HHLA2: variants seen among roughly 807,000 people sequenced by gnomAD.
HHLA2 encodes the protein HHLA2 member of B7 family.
In HHLA2, 48 loss-of-function variants were observed where a neutral mutation model predicts 45.9. The observed-to-expected ratio is 1.05, with a 90% CI of 0.83 to 1.33. The LOEUF (loss-of-function observed/expected upper bound fraction) is 1.33. HHLA2 is among the 40% of genes most tolerant of loss of function. The pLI, the probability that HHLA2 is intolerant of heterozygous loss-of-function variation, is 0.00. For synonymous variants in HHLA2, 161 were observed against 173.9 expected, an observed-to-expected ratio of 0.93 and a Z score of 0.59; for missense variants, 462 against 494.3, an observed-to-expected ratio of 0.93 and a Z score of 0.62.
intron 8 of HHLA2, among the ~76,000 whole-genome samples, chr3:108,371,601 C>T (rs982106636): frequency 6.6e-6 from 1 of 152,124 alleles, no homozygotes; most frequent in African/African-American, 2.4e-5. Context: ...CAGAGACACA[C>T]ATAGGCTCAA....
chr3:108,297,064 C>G (rs9829105), intron 1 of HHLA2, among the ~76,000 whole-genome samples: 79,536 of 152,004 alleles, frequency 0.52, 21,603 homozygotes, highest in Middle Eastern at 0.65. Context: ...GCAGAAGAAT[C>G]GTGATCTTTG....
chr3:108,329,698 C>T (rs1293112651), intron 3 of HHLA2, among the ~76,000 whole-genome samples: 1 of 152,154 alleles, frequency 6.6e-6, no homozygotes, highest in Non-Finnish European at 1.5e-5. Flanking sequence ...CTCTCGATGT[C>T]TGCCCCTCTC....
intron 1 of HHLA2, among the ~76,000 whole-genome samples, chr3:108,297,474 G>T (rs948693109): frequency 6.6e-6 from 1 of 152,182 alleles, no homozygotes; most frequent in Non-Finnish European, 1.5e-5. Flanking sequence ...TTAACCAGTT[G>T]TATATTTTTC....
intron 3 of HHLA2, among the ~76,000 whole-genome samples, chr3:108,347,278 A>G (rs1576150847): frequency 6.6e-6 from 1 of 151,394 alleles, no homozygotes; most frequent in Non-Finnish European, 1.5e-5. Context: ...TTTTTTATTC[A>G]TAATACTTTA....
intron 8 of HHLA2, among the ~76,000 whole-genome samples, chr3:108,368,264 A>G (rs114046672): frequency 5.7e-4 from 87 of 152,142 alleles, no homozygotes; most frequent in Non-Finnish European, 1.1e-3. Context: ...ACACCATAAT[A>G]TAAAGACCAA....
At chr3:108,314,128 T>C (rs1259323621) in intron 2 of HHLA2, among the ~76,000 whole-genome samples, 3 of 151,616 alleles carry the variant, frequency 2.0e-5, no homozygotes, top group Non-Finnish European at 4.4e-5. Flanking sequence ...TTCAGATTGA[T>C]TTTTTTTTAT....
chr3:108,318,584 C>T (rs1467167539), intron 2 of HHLA2, among the ~76,000 whole-genome samples: 1 of 152,138 alleles, frequency 6.6e-6, no homozygotes, highest in Non-Finnish European at 1.5e-5. Context: ...TTTTCCTTTT[C>T]CCCCAACATC....
intron 3 of HHLA2, among the ~76,000 whole-genome samples, chr3:108,333,501 T>C (rs1448586501): frequency 6.6e-6 from 1 of 151,762 alleles, no homozygotes; most frequent in Admixed American, 6.6e-5. Context: ...ATTATTAGTT[T>C]ATCTGAATTC....
exon 7 of HHLA2, chr3:108,358,068 T>C (rs1329166606): frequency 1.2e-5 from 20 of 1,613,708 alleles, no homozygotes; most frequent in Non-Finnish European, 1.7e-5. Context: ...CTCTATGAAT[T>C]TGATGGATCT....
chr3:108,376,436 G>T, intron 9 of HHLA2, 57 bp from the exon 9 acceptor site: 1 of 1,357,160 alleles, frequency 7.4e-7, no homozygotes, highest in Non-Finnish European at 1.0e-6. Context: ...AGGACTAAGG[G>T]AGAATTTTGG....
In HHLA2 at chr3:108,362,339, T is replaced by A. The variant is rs780089686; in HGVS notation, c.1004-3T>A. ...AGACTTTGTTTCTCCTTTTTTTTTT[T>A]AGAACCGAGCCAAGAAACAGCTTCC... On this transcript the variant is annotated splice_polypyrimidine_tract_variant and splice_region_variant and intron_variant, in intron 7 of 10. Coordinates refer to ENST00000619531, the Ensembl canonical transcript of HHLA2. 1.0e-5 allele frequency: 16 copies of A among 1,599,562 alleles called. No homozygotes were observed. The Admixed American group carries it at 1.4e-4, about 14-fold the overall frequency.
chr3:108,359,056 T>G (rs1334589224), intron 7 of HHLA2, among the ~76,000 whole-genome samples: 1 of 152,134 alleles, frequency 6.6e-6, no homozygotes, highest in African/African-American at 2.4e-5. Context: ...AATGAAAAAC[T>G]GGGGCTGCAT....
At chr3:108,318,301 T>C (rs17830898) in intron 2 of HHLA2, among the ~76,000 whole-genome samples, 10,250 of 152,218 alleles carry the variant, frequency 0.067, 478 homozygotes, top group Non-Finnish European at 0.092. Flanking sequence ...TTCTAGACAA[T>C]AACTTTTCAT....
chr3:108,343,669 G>A lies in HHLA2; in HGVS notation c.-26-8119G>A, dbSNP rs144163261. Among the ~76,000 whole-genome samples, 1,329 of 152,302 alleles carry A rather than the reference G, an allele frequency of 8.7e-3. 16 individuals are homozygous for A. The highest frequency in any genetic ancestry group is 0.013 in the Non-Finnish European group (876 of 68,012). ...CCAGCACCTTGATATGTAGATACAA[G>A]TAGGCGTTCTTTACTTTGGGATATG... is the stretch of plus-strand genomic sequence containing the variant. On this transcript the variant is annotated intron_variant, in intron 3 of 10. Transcript: ENST00000619531.
intron 1 of HHLA2, among the ~76,000 whole-genome samples, chr3:108,305,230 G>GT (rs2080910509): frequency 6.6e-6 from 1 of 152,160 alleles, no homozygotes; most frequent in South Asian, 2.1e-4. Context: ...TATTTGGGAG[G>GT]TTAAAAACTC....
At chr3:108,312,188 T>C (rs2081031490) in intron 2 of HHLA2, among the ~76,000 whole-genome samples, 1 of 152,240 alleles carries the variant, frequency 6.6e-6, no homozygotes. Flanking sequence ...ACCAGTTCCT[T>C]CTTCTGTTAT....
intron 1 of HHLA2, among the ~76,000 whole-genome samples, chr3:108,298,889 T>C (rs373146049): frequency 2.0e-5 from 3 of 151,568 alleles, no homozygotes; most frequent in African/African-American, 7.3e-5. Context: ...AAACCTGAGA[T>C]AGGCAAATGT....
chr3:108,337,535 G>GA (rs2081494654), intron 3 of HHLA2, among the ~76,000 whole-genome samples: 1 of 152,148 alleles, frequency 6.6e-6, no homozygotes, highest in African/African-American at 2.4e-5. Flanking sequence ...AAAGTTGAAT[G>GA]AATAGAAATA....
rs184057108 is a variant in HHLA2, at chr3:108,310,096, C to T, written c.-191-559C>T. On this transcript the variant is annotated intron_variant, in intron 1 of 10. Coordinates refer to ENST00000619531, the Ensembl canonical transcript of HHLA2. The stretch of plus-strand genomic sequence containing the variant: ...TGATGCCTGTGTCCTTTTGACATAC[C>T]CCTACTTTTTAAAAATTAGCACTTT... Among the ~76,000 whole-genome samples the T allele has an allele frequency of 3.0e-4, 46 of 151,946 alleles. No individual in the cohort carries two copies. The East Asian group carries it at 6.4e-3, about 21-fold the overall frequency.
Sources: gnomAD v4.1 joint callset for allele counts (sites outside exome capture counted in the v4.1 genomes callset) on GRCh38, gnomAD v4.1.1 for gene constraint, MANE v1.5 for transcripts, NCBI Gene and HGNC (gene_info 2026-07-23, HGNC 2026-07-21) for gene names.